The following SYT14 variants were observed in gnomAD, a reference collection of about 807,000 sequenced individuals.
SYT14 encodes synaptotagmin-14.
SYT14 carries 32 observed loss-of-function variants against 74.2 expected under a neutral mutation model. That is an observed-to-expected ratio of 0.43 (90% CI 0.33 to 0.58). The LOEUF is 0.58. SYT14 is among the 20% of genes least tolerant of loss of function. The pLI is 0.05. For missense variants in SYT14, 791 were observed against 981.8 expected (o/e 0.81, Z 2.60); for synonymous variants, 298 against 337.7 (o/e 0.88, Z 1.29).
intron 5 of SYT14, among the ~76,000 whole-genome samples, chr1:210,064,532 T>C (rs1045317567): frequency 9.2e-5 from 14 of 152,074 alleles, no homozygotes; most frequent in Non-Finnish European, 1.8e-4. Flanking sequence ...TATTTGTCCT[T>C]CTGTGTTTGG....
At chr1:210,061,193 G>A (rs2081201743) in intron 5 of SYT14, among the ~76,000 whole-genome samples, 1 of 151,682 alleles carries the variant, frequency 6.6e-6, no homozygotes, top group Non-Finnish European at 1.5e-5. Flanking sequence ...GCCTGTCATT[G>A]TAGAGGATAT....
At chr1:210,081,087 T>C (rs1033784030) in intron 5 of SYT14, among the ~76,000 whole-genome samples, 1 of 152,144 alleles carries the variant, frequency 6.6e-6, no homozygotes, top group Non-Finnish European at 1.5e-5. Flanking sequence ...AGTGTACGGC[T>C]GTGACTGGAT....
At position 209,973,446 on chromosome 1, in the gene SYT14, G is replaced by A. The variant is rs147690850; in HGVS notation, c.-486+20690G>A. ...CTTATTGTTCAGTTCCCACCTATGAGTGAGAATATGTGATGTTTGGGGTTT... is the reference window on the plus strand; with the variant it reads ...CTTATTGTTCAGTTCCCACCTATGAATGAGAATATGTGATGTTTGGGGTTT... On this transcript the variant is annotated intron_variant, in intron 2 of 9. Coordinates refer to ENST00000637265, the Ensembl canonical transcript of SYT14. Among the ~76,000 whole-genome samples the A allele has an allele frequency of 7.8e-3, 1,191 of 152,172 alleles. 21 individuals are homozygous for A. The highest frequency in any genetic ancestry group is 0.027 in the African/African-American group (1,138 of 41,506).
chr1:209,997,488 C>T (rs1007441314), intron 2 of SYT14, among the ~76,000 whole-genome samples: 4 of 151,982 alleles, frequency 2.6e-5, no homozygotes, highest in Admixed American at 1.3e-4. Context: ...AAATAGAAAA[C>T]ACTCTATTCT....
At chr1:209,959,308 A>G (rs1044336731) in intron 2 of SYT14, among the ~76,000 whole-genome samples, 2 of 151,670 alleles carry the variant, frequency 1.3e-5, no homozygotes, top group African/African-American at 4.8e-5. Flanking sequence ...ACACCCAGCT[A>G]ATTTTTTGTA....
chr1:209,987,666 T>C (rs2079594863), intron 2 of SYT14, among the ~76,000 whole-genome samples: 1 of 152,216 alleles, frequency 6.6e-6, no homozygotes, highest in Non-Finnish European at 1.5e-5. Flanking sequence ...CTATATCCTT[T>C]TGTGTGACTC....
chr1:209,965,427 A>G (rs930644611), intron 2 of SYT14, among the ~76,000 whole-genome samples: 4 of 152,314 alleles, frequency 2.6e-5, no homozygotes, highest in African/African-American at 2.4e-5. Flanking sequence ...TCCATGATAT[A>G]TATGTACCAC....
rs576345855 is a variant in SYT14, at chr1:209,965,848, T to G, written c.-486+13092T>G. Reference sequence around the variant, plus strand: ...ATCCTTTTGTATCAAATCAATAGATTATATATTTATCGGTTTATTTTTGAA... The same window carrying G: ...ATCCTTTTGTATCAAATCAATAGATGATATATTTATCGGTTTATTTTTGAA... On this transcript the variant is annotated intron_variant, in intron 2 of 9. Transcript: ENST00000637265. 5.4e-5 allele frequency: 24 copies of G among 446,318 alleles called. 1 individual carries two copies. Among genetic ancestry groups the G allele is most frequent in the Middle Eastern group, 4.0e-4 (1 of 2,526 alleles). The allele number at this position is 446,318 out of a possible 1,614,324, so 27.6% of individuals were successfully genotyped here. A position where few individuals can be genotyped will look rare whatever the true frequency, so the allele number is the denominator to read the frequency against.
intron 2 of SYT14, among the ~76,000 whole-genome samples, chr1:209,998,895 G>T (rs1311032584): frequency 6.6e-6 from 1 of 151,990 alleles, no homozygotes; most frequent in Non-Finnish European, 1.5e-5. Flanking sequence ...ATATTTTATG[G>T]CTAAGACCTC....
intron 5 of SYT14, among the ~76,000 whole-genome samples, chr1:210,027,531 G>T (rs1441739769): frequency 6.6e-6 from 1 of 152,080 alleles, no homozygotes; most frequent in African/African-American, 2.4e-5. Flanking sequence ...AGGAGGAAGA[G>T]GAGGGGTTGG....
At chr1:209,969,648 G>C (rs565443321) in intron 2 of SYT14, among the ~76,000 whole-genome samples, 1 of 151,554 alleles carries the variant, frequency 6.6e-6, no homozygotes, top group Admixed American at 6.6e-5. Context: ...CCACCACACT[G>C]GGCTAATTTT....
At chr1:210,072,491 T>C (rs933363503) in intron 5 of SYT14, among the ~76,000 whole-genome samples, 7 of 152,046 alleles carry the variant, frequency 4.6e-5, no homozygotes, top group African/African-American at 1.7e-4. Flanking sequence ...ATGCTGCCCA[T>C]AGTATTATAT....
At chr1:210,121,876 C>G (rs1305861354) in intron 7 of SYT14, among the ~76,000 whole-genome samples, 2 of 151,476 alleles carry the variant, frequency 1.3e-5, no homozygotes, top group African/African-American at 2.4e-5. Context: ...AATAAATGCA[C>G]TTTTATTATT....
chr1:210,167,287 T>A (rs902118949), exon 10 of SYT14: 2 of 152,236 alleles, frequency 1.3e-5, no homozygotes, highest in African/African-American at 2.4e-5. Context: ...TTCATTGTCA[T>A]CACACTCATC....
chr1:210,086,935 T>C (rs2081745520), intron 5 of SYT14, among the ~76,000 whole-genome samples: 1 of 152,188 alleles, frequency 6.6e-6, no homozygotes, highest in Non-Finnish European at 1.5e-5. Flanking sequence ...ACCTTAAATA[T>C]ATTTATTATT....
intron 7 of SYT14, among the ~76,000 whole-genome samples, chr1:210,139,089 TA>T (rs1217688703): frequency 2.4e-3 from 212 of 88,612 alleles, no homozygotes; most frequent in Non-Finnish European, 3.9e-3. Flanking sequence ...AGAGTACTTT[TA>T]TTTTTTTTTT....
At chr1:209,944,023 A>G (rs1432600935) in intron 1 of SYT14, among the ~76,000 whole-genome samples, 1 of 152,172 alleles carries the variant, frequency 6.6e-6, no homozygotes, top group African/African-American at 2.4e-5. Flanking sequence ...TATTCAGAAC[A>G]ATTTCTTATT....
chr1:210,078,490 T>C (rs2081555698), intron 5 of SYT14, among the ~76,000 whole-genome samples: 1 of 152,068 alleles, frequency 6.6e-6, no homozygotes, highest in Non-Finnish European at 1.5e-5. Flanking sequence ...CAAATTGTAT[T>C]TCTTATAAAA....
chr1:210,148,191 A>G (rs2083080579), intron 7 of SYT14, among the ~76,000 whole-genome samples: 1 of 152,170 alleles, frequency 6.6e-6, no homozygotes, highest in Admixed American at 6.5e-5. Context: ...AAATTTGTGG[A>G]TTTCAGCCCC....
Sources: gnomAD v4.1 joint callset for allele counts (sites outside exome capture counted in the v4.1 genomes callset) on GRCh38, gnomAD v4.1.1 for gene constraint, MANE v1.5 for transcripts, NCBI Gene and HGNC (gene_info 2026-07-23, HGNC 2026-07-21) for gene names.